CDIN1: variants seen among roughly 807,000 people sequenced by gnomAD.
The protein encoded by CDIN1 is CDAN1 interacting nuclease 1, also known as CDAN1-interacting nuclease 1.
In CDIN1, 33 loss-of-function variants were observed where a neutral mutation model predicts 45.3. The ratio of observed to expected loss-of-function variants is 0.73; its 90% confidence interval spans 0.55 to 0.97. CDIN1 has a LOEUF of 0.97. Among genes scored for constraint, CDIN1 ranks in the 50% least tolerant of loss-of-function variants. The probability of loss-of-function intolerance (pLI) is 0.00; values close to 1 mark genes in which losing one functional copy is unlikely to be tolerated. For missense variants in CDIN1, 303 were observed against 339.4 expected (o/e 0.89, Z 0.84); for synonymous variants, 118 against 124.4 (o/e 0.95, Z 0.34).
At chr15:36,744,875 A>ATATGGCCATTGACCTGAAT (rs2044364822) in intron 10 of CDIN1, among the ~76,000 whole-genome samples, 1 of 152,202 alleles carries the variant, frequency 6.6e-6, no homozygotes, top group Non-Finnish European at 1.5e-5. Context: ...TTTTTCTGAT[A>ATATGGCCATTGACCTGAAT]TATGGCCATT....
intron 8 of CDIN1, among the ~76,000 whole-genome samples, chr15:36,703,377 T>C (rs76886582): frequency 0.033 from 882 of 26,828 alleles, 48 homozygotes; most frequent in Non-Finnish European, 0.044. Flanking sequence ...CTATCATATA[T>C]ATATATATCA....
chr15:36,609,572 A>C (rs988074904), intron 1 of CDIN1, among the ~76,000 whole-genome samples: 1 of 152,112 alleles, frequency 6.6e-6, no homozygotes, highest in Non-Finnish European at 1.5e-5. Context: ...TTGAGAAAAA[A>C]CTTAAACTCA....
intron 5 of CDIN1, among the ~76,000 whole-genome samples, chr15:36,658,948 A>G (rs1019479130): frequency 6.6e-6 from 1 of 152,216 alleles, no homozygotes; most frequent in African/African-American, 2.4e-5. Context: ...CCTCCAAAGT[A>G]ACCTGCAGTG....
chr15:36,746,752 CTTTTTTTTTTT>C (rs760613983), intron 10 of CDIN1, among the ~76,000 whole-genome samples: 8 of 74,354 alleles, frequency 1.1e-4, no homozygotes, highest in East Asian at 4.6e-4. Flanking sequence ...GGAAACGTGT[CTTTTTTTTTTT>C]TTTTTTTTTT....
intron 5 of CDIN1, among the ~76,000 whole-genome samples, chr15:36,678,410 G>A (rs1304647605): frequency 6.6e-6 from 1 of 152,214 alleles, no homozygotes; most frequent in Admixed American, 6.5e-5. Context: ...TTTAGGCTTT[G>A]CTGTCTTGGA....
chr15:36,794,402 T>C (rs2141099105), intron 10 of CDIN1, among the ~76,000 whole-genome samples: 1 of 152,156 alleles, frequency 6.6e-6, no homozygotes, highest in East Asian at 1.9e-4. Context: ...GCAACAGATC[T>C]CTAGAACTTT....
intron 1 of CDIN1, among the ~76,000 whole-genome samples, chr15:36,628,010 G>A (rs2039520142): frequency 6.6e-6 from 1 of 151,002 alleles, no homozygotes; most frequent in Non-Finnish European, 1.5e-5. Flanking sequence ...GTAAATGTGT[G>A]AAACATTGTA....
chr15:36,678,697 C>T (rs1423305667), intron 5 of CDIN1, among the ~76,000 whole-genome samples: 1 of 152,194 alleles, frequency 6.6e-6, no homozygotes. Context: ...ACTAGTTCCC[C>T]TATCTTGCTT....
chr15:36,616,924 C>CAA (rs922342474), intron 1 of CDIN1, among the ~76,000 whole-genome samples: 10 of 151,034 alleles, frequency 6.6e-5, no homozygotes, highest in South Asian at 2.1e-4. Flanking sequence ...GACTTAGTGT[C>CAA]AAAAAAATAT....
chr15:36,636,355 A>G (rs990608251), intron 1 of CDIN1, among the ~76,000 whole-genome samples: 4 of 152,156 alleles, frequency 2.6e-5, no homozygotes, highest in Non-Finnish European at 5.9e-5. Context: ...GATCGAGACC[A>G]TCCTGGCTAA....
At position 36,694,320 on chromosome 15, in the gene CDIN1, T is replaced by C. The variant is rs541083104; in HGVS notation, c.476+2145T>C. On this transcript the variant is annotated intron_variant, in intron 7 of 10. Coordinates refer to ENST00000566621, the MANE Select transcript of CDIN1 (RefSeq NM_001321759.2). ...TTCACACTGAATAAAAATTATTGTTTTTCCATGTGAGTAAATGTGCTGTTT... is the reference window on the plus strand; with the variant it reads ...TTCACACTGAATAAAAATTATTGTTCTTCCATGTGAGTAAATGTGCTGTTT... Among the ~76,000 whole-genome samples, 18 of 152,328 alleles carry C rather than the reference T, an allele frequency of 1.2e-4. No homozygotes were observed. The South Asian group carries it at 2.9e-3, about 25-fold the overall frequency.
chr15:36,647,131 C>T (rs2040366524), intron 3 of CDIN1, among the ~76,000 whole-genome samples: 1 of 149,806 alleles, frequency 6.7e-6, no homozygotes, highest in Non-Finnish European at 1.5e-5. Context: ...TCAGGCAATC[C>T]TACTGCCTCA....
chr15:36,719,657 C>T (rs2043339671), intron 10 of CDIN1, among the ~76,000 whole-genome samples: 1 of 152,028 alleles, frequency 6.6e-6, no homozygotes, highest in Admixed American at 6.6e-5. Context: ...GGAGGCATTT[C>T]CTCCTCTTTA....
At chr15:36,601,031 G>T (rs1292583020) in intron 1 of CDIN1, among the ~76,000 whole-genome samples, 3 of 151,838 alleles carry the variant, frequency 2.0e-5, no homozygotes, top group African/African-American at 2.4e-5. Context: ...AGGAAGTAAT[G>T]CTACAGTGTT....
intron 9 of CDIN1, among the ~76,000 whole-genome samples, 169 bp downstream of exon 9, chr15:36,709,457 C>T (rs908042875): frequency 1.3e-5 from 2 of 152,082 alleles, no homozygotes; most frequent in Admixed American, 6.6e-5. Context: ...GTCTTAAAAT[C>T]TTTTGCATAT....
At chr15:36,631,104 C>T (rs1466765375) in intron 1 of CDIN1, among the ~76,000 whole-genome samples, 1 of 152,140 alleles carries the variant, frequency 6.6e-6, no homozygotes, top group Non-Finnish European at 1.5e-5. Flanking sequence ...AACAATGGTC[C>T]CGTATCAGGA....
intron 1 of CDIN1, chr15:36,626,999 T>G (rs542701832): frequency 5.8e-6 from 1 of 173,164 alleles, no homozygotes; most frequent in South Asian, 1.4e-4. Context: ...GCCATTCCAC[T>G]TGCCAGTGAG....
At chr15:36,630,494 A>C (rs1595391084) in intron 1 of CDIN1, among the ~76,000 whole-genome samples, 1 of 152,220 alleles carries the variant, frequency 6.6e-6, no homozygotes, top group South Asian at 2.1e-4. Flanking sequence ...TTTTCCAATT[A>C]GATTTTAAGC....
intron 5 of CDIN1, among the ~76,000 whole-genome samples, chr15:36,685,158 T>A (rs2041995490): frequency 6.7e-6 from 1 of 149,634 alleles, no homozygotes; most frequent in East Asian, 2.0e-4. Flanking sequence ...TCTAGTTCTT[T>A]TAATTGTGAT....
Sources: gnomAD v4.1 joint callset for allele counts (sites outside exome capture counted in the v4.1 genomes callset) on GRCh38, gnomAD v4.1.1 for gene constraint, MANE v1.5 for transcripts, NCBI Gene and HGNC (gene_info 2026-07-23, HGNC 2026-07-21) for gene names.